LTBP2: variants seen among roughly 807,000 people sequenced by gnomAD.
LTBP2 encodes latent transforming growth factor beta binding protein 2.
A neutral mutation model predicts 210.6 loss-of-function variants in LTBP2; 103 were observed. That is an observed-to-expected ratio of 0.49 (90% CI 0.42 to 0.58). The LOEUF (loss-of-function observed/expected upper bound fraction) is 0.58, where lower values mean the gene tolerates loss of function less well. LTBP2 is among the 20% of genes least tolerant of loss of function. The pLI is 0.00. For synonymous variants in LTBP2, 1,007 were observed against 1,015.0 expected (o/e 0.99, Z 0.15); for missense variants, 2,313 against 2,494.5 (o/e 0.93, Z 1.55).
chr14:74,504,978 CT>C lies in LTBP2; in HGVS notation c.4369+4del. ...TTCGAGGATCTGGAACCCTTGGGGT[CT>C]TACCTGAGTCCTCAGACGGGCAGAG... On this transcript the variant is annotated splice_donor_region_variant and intron_variant, in intron 29 of 35. Coordinates refer to ENST00000261978, the MANE Select transcript of LTBP2 (RefSeq NM_000428.3). 1 of 1,614,242 alleles carries C rather than the reference CT, an allele frequency of 6.2e-7. No homozygotes were observed. Among genetic ancestry groups the C allele is most frequent in the Non-Finnish European group, 8.5e-7 (1 of 1,180,050 alleles).
chr14:74,579,663 C>T (rs1362613505), intron 3 of LTBP2, among the ~76,000 whole-genome samples: 1 of 152,242 alleles, frequency 6.6e-6, no homozygotes, highest in Non-Finnish European at 1.5e-5. Flanking sequence ...GTTGGACCTC[C>T]AACAAGAGCT....
At chr14:74,550,181 G>A (rs973272820) in intron 7 of LTBP2, among the ~76,000 whole-genome samples, 1 of 152,230 alleles carries the variant, frequency 6.6e-6, no homozygotes, top group African/African-American at 2.4e-5. Context: ...CTTGTGTGTG[G>A]ATGGGACACC....
At chr14:74,582,397 T>TACACAC (rs58985238) in intron 3 of LTBP2, among the ~76,000 whole-genome samples, 8 of 140,724 alleles carry the variant, frequency 5.7e-5, no homozygotes, top group South Asian at 2.4e-4. Context: ...CACACATACA[T>TACACAC]ACACACACAC....
intron 20 of LTBP2, 55 bp from the exon 21 acceptor site, chr14:74,509,914 C>T (rs535875535): frequency 5.0e-4 from 812 of 1,613,416 alleles, no homozygotes; most frequent in Non-Finnish European, 6.3e-4. Context: ...CAGGCCAGGA[C>T]ACTGGCAGGT....
chr14:74,557,994 C>T (rs1240725534), intron 3 of LTBP2, among the ~76,000 whole-genome samples: 1 of 152,196 alleles, frequency 6.6e-6, no homozygotes, highest in African/African-American at 2.4e-5. Flanking sequence ...GTTTCCTTGC[C>T]CAAGTGGGAT....
chr14:74,576,994 T>G (rs1464243064), intron 3 of LTBP2, among the ~76,000 whole-genome samples: 8 of 152,178 alleles, frequency 5.3e-5, no homozygotes, highest in Admixed American at 5.2e-4. Flanking sequence ...GGGACATTAA[T>G]GCTTAGTGAT....
chr14:74,519,903 G>T (rs2087180734), intron 17 of LTBP2, among the ~76,000 whole-genome samples: 1 of 152,218 alleles, frequency 6.6e-6, no homozygotes, highest in South Asian at 2.1e-4. Flanking sequence ...GGAGCCCAGA[G>T]AAGCCTCCTT....
chr14:74,527,862 T>A (rs1251899991), intron 12 of LTBP2, among the ~76,000 whole-genome samples: 1 of 152,190 alleles, frequency 6.6e-6, no homozygotes, highest in East Asian at 1.9e-4. Context: ...TGGGGCTCTG[T>A]CCTCACTCCC....
chr14:74,505,918 C>A (rs2139691084), intron 28 of LTBP2, 130 bp downstream of exon 28: 2 of 1,308,658 alleles, frequency 1.5e-6, no homozygotes, highest in African/African-American at 1.4e-5. Flanking sequence ...CCCGCCTGCA[C>A]CTCCCTATGC....
At chr14:74,600,852 G>A (rs1169550830) in intron 2 of LTBP2, among the ~76,000 whole-genome samples, 5 of 152,206 alleles carry the variant, frequency 3.3e-5, no homozygotes, top group African/African-American at 1.2e-4. Context: ...CCCTGGGCCA[G>A]CAGCGTCAGC....
chr14:74,536,391 T>C (rs1345668020), intron 8 of LTBP2, among the ~76,000 whole-genome samples: 1 of 152,224 alleles, frequency 6.6e-6, no homozygotes, highest in Non-Finnish European at 1.5e-5. Context: ...TCAAAGGATC[T>C]GTTGTACGAC....
intron 27 of LTBP2, 132 bp downstream of exon 27, chr14:74,506,563 CTCT>C: frequency 7.1e-7 from 1 of 1,416,830 alleles, no homozygotes; most frequent in Non-Finnish European, 9.8e-7. Flanking sequence ...TGAAGTCTCC[CTCT>C]TCTTTGAAGC....
At chr14:74,598,490 G>GGACCC (rs893066910) in intron 2 of LTBP2, among the ~76,000 whole-genome samples, 1 of 152,182 alleles carries the variant, frequency 6.6e-6, no homozygotes, top group Non-Finnish European at 1.5e-5. Context: ...ATACACTTAT[G>GGACCC]GACCCTTTAC....
intron 2 of LTBP2, among the ~76,000 whole-genome samples, chr14:74,589,777 G>A (rs79959821): frequency 2.1e-3 from 318 of 152,304 alleles, no homozygotes; most frequent in Non-Finnish European, 3.8e-3. Context: ...GGCAGGTCTC[G>A]GCCTTGGGGT....
intron 14 of LTBP2, 45 bp downstream of exon 14, chr14:74,526,030 C>T: frequency 6.4e-7 from 1 of 1,566,618 alleles, no homozygotes; most frequent in Non-Finnish European, 8.7e-7. Flanking sequence ...GGGCTCTTTC[C>T]CTCCCTTCTC....
intron 14 of LTBP2, 151 bp downstream of exon 14, chr14:74,525,924 C>G: frequency 1.2e-6 from 1 of 821,214 alleles, no homozygotes; most frequent in South Asian, 1.5e-5. Flanking sequence ...AGAGAGCTCC[C>G]AGAAACAGCA....
rs780049845 is a variant in LTBP2 at position 74,555,651 on chromosome 14, G to C, written c.873C>G (p.His291Gln). The stretch of plus-strand genomic sequence containing the variant: ...GTCGGACAGTGCGGGACAACCCCAC[G>C]TGCTGCTGGGAAGGGTGGGTCTGGC... The part of the protein sequence containing the change: ...GLSQTHPSQQ[H>Q]VGLSRTVRLH... The change falls in exon 4 of 36, where the codon CAC (histidine) becomes CAG (glutamine). Residue 291 changes from histidine (H) to glutamine (Q), a missense_variant. By Grantham distance (24) the His-to-Gln change is conservative (BLOSUM62 0). Transcript: ENST00000261978. 1.3e-6 allele frequency: 2 copies of C among 1,579,730 alleles called. No individual in the cohort carries two copies. Among genetic ancestry groups the C allele is most frequent in the Non-Finnish European group, 1.7e-6 (2 of 1,158,558 alleles).
chr14:74,525,967 ATGTG>A (rs939252581), intron 14 of LTBP2, 104 bp downstream of exon 14: 2 of 1,175,530 alleles, frequency 1.7e-6, no homozygotes, highest in African/African-American at 3.1e-5. Context: ...CCCTCCTCTG[ATGTG>A]TGTGTGAGCG....
rs565080175 is a variant in LTBP2 at position 74,502,618 on chromosome 14, G to T, written c.5170+35C>A. On this transcript the variant is annotated intron_variant, in intron 34 of 35. Coordinates refer to ENST00000261978, the MANE Select transcript of LTBP2 (RefSeq NM_000428.3). ...GAGATGGAAGTGAAACAGCTTTGGT[G>T]CCCACCTCTTCCCCAGTTTTGCAGC... 4.3e-5 allele frequency: 70 copies of T among 1,613,942 alleles called. 1 individual carries two copies. The South Asian group carries it at 6.6e-4, about 15-fold the overall frequency.
Sources: allele counts gnomAD v4.1 joint callset (sites outside exome capture counted in the v4.1 genomes callset), GRCh38; gene constraint gnomAD v4.1.1; transcripts MANE v1.5; gene names NCBI Gene and HGNC (gene_info 2026-07-23, HGNC 2026-07-21).